The following INSRR variants were observed in gnomAD, a reference collection of about 807,000 sequenced individuals.
INSRR encodes the protein insulin receptor-related protein.
In INSRR, 114 loss-of-function variants were observed where a neutral mutation model predicts 130.0. That is an observed-to-expected ratio of 0.88 (90% confidence interval 0.75 to 1.02). INSRR has a LOEUF of 1.02. INSRR is among the 50% of genes least tolerant of loss of function. The probability of loss-of-function intolerance (pLI) is 0.00; values close to 1 mark genes in which losing one functional copy is unlikely to be tolerated. For missense variants in INSRR, 1,657 were observed against 1,735.2 expected, an observed-to-expected ratio of 0.95 and a Z score of 0.80; for synonymous variants, 674 against 705.2, an observed-to-expected ratio of 0.96 and a Z score of 0.70.
rs766326227 is a variant in INSRR, at chr1:156,844,505, A to G, written c.2694T>C (p.Asn898=). Residue 898 remains asparagine (N), a synonymous_variant, in exon 14 of 22, where the codon AAT becomes AAC. Coordinates refer to ENST00000368195, the MANE Select transcript of INSRR (RefSeq NM_014215.3). ...ARVRATSLAG[N]GSWTDSVAFY... is the part of the protein sequence containing the mutation. ...AGGCAACACTGTCTGTCCAAGAGCC[A>G]TTGCCAGCCAGTGAGGTTGCCCTAA... 4 of 1,614,140 alleles carry G rather than the reference A, an allele frequency of 2.5e-6. No individual in the cohort carries two copies. The South Asian group carries it at 3.3e-5, about 13-fold the overall frequency.
chr1:156,847,407 G>A (rs1014080274), intron 7 of INSRR, among the ~76,000 whole-genome samples: 2 of 152,228 alleles, frequency 1.3e-5, no homozygotes, highest in African/African-American at 2.4e-5. Context: ...TGGCTTTAGG[G>A]GTAGAAGAGG....
At position 156,844,562 on chromosome 1, in the gene INSRR, G is replaced by A. The variant is rs1654920087; in HGVS notation, c.2637C>T (p.Ala879=). The A allele has an allele frequency of 1.2e-6, 2 of 1,614,180 alleles. No homozygotes were observed. Among genetic ancestry groups the A allele is most frequent in the African/African-American group, 1.3e-5 (1 of 75,032 alleles). Residue 879 remains alanine, a synonymous_variant, in exon 14 of 22, where the codon GCC becomes GCT. Coordinates refer to ENST00000368195, the MANE Select transcript of INSRR (RefSeq NM_014215.3). ...RYAKFGGVHL[A]LLPPGNYSAR... Reference sequence around the variant, plus strand: ...CAGAGTAGTTTCCAGGGGGCAGCAGGGCCAGGTGGACTCCCCCAAACTTCG... The same window carrying A: ...CAGAGTAGTTTCCAGGGGGCAGCAGAGCCAGGTGGACTCCCCCAAACTTCG...
intron 7 of INSRR, 79 bp downstream of exon 7, chr1:156,848,842 G>T: frequency 2.0e-6 from 3 of 1,491,496 alleles, no homozygotes; most frequent in South Asian, 2.6e-5. Context: ...GCTGAGCTCC[G>T]CCCTCACCTG....
Position 156,851,983 on chromosome 1 carries a change from G to C in INSRR, c.846C>G (p.Ser282Arg). The C allele has an allele frequency of 1.2e-6, 2 of 1,611,012 alleles. No individual in the cohort carries two copies. Among genetic ancestry groups the C allele is most frequent in the Non-Finnish European group, 1.7e-6 (2 of 1,177,870 alleles). ...WRCVTAERCA[S>R]LHSVPGRAST... ...AGGCACGGCCGGGCACAGAGTGCAG[G>C]CTGGCACAGCGCTCAGCTGTGACAC... The change falls in exon 3 of 22, where the codon AGC (serine) becomes AGG (arginine). Residue 282 changes from serine to arginine, a missense_variant. Ser to Arg is a moderately radical substitution (Grantham distance 110). Transcript: ENST00000368195.
At chr1:156,846,781 A>G (rs1021896394) in intron 7 of INSRR, 24 bp from the exon 8 acceptor site, 9 of 1,587,896 alleles carry the variant, frequency 5.7e-6, no homozygotes, top group South Asian at 1.1e-5. Context: ...CCCAGAGCTG[A>G]GGGGTCATTC....
Position 156,846,186 on chromosome 1 carries a change from GC to G in INSRR, c.1811-68del, listed in dbSNP as rs200027061. On this transcript the variant is annotated intron_variant, in intron 8 of 21. Transcript: ENST00000368195. ...CCTCCTGAATACTATCTAGTAATGA[GC>G]CCTCCTTTCTGGGGTCCAACAGCCT... is the stretch of plus-strand genomic sequence containing the variant. The G allele has an allele frequency of 1.5e-3, 2,152 of 1,462,994 alleles. 24 individuals are homozygous for G. The African/African-American group carries it at 0.027, about 19-fold the overall frequency. 90.6% of individuals were successfully genotyped at this position (1,462,994 alleles called of 1,614,324 possible). A position where few individuals can be genotyped will look rare whatever the true frequency, so the allele number is the denominator to read the frequency against.
In INSRR at chr1:156,840,838, C is replaced by T. The variant is rs1654748302; in HGVS notation, c.*35G>A. The T allele has an allele frequency of 6.6e-7, 1 of 1,525,830 alleles. No homozygotes were observed. The highest frequency in any genetic ancestry group is 9.0e-7 in the Non-Finnish European group (1 of 1,105,642). The allele number at this position is 1,525,830 out of a possible 1,614,324, so 94.5% of individuals were successfully genotyped here. On this transcript the variant is annotated 3_prime_UTR_variant, in exon 22 of 22. Coordinates refer to ENST00000368195, the MANE Select transcript of INSRR (RefSeq NM_014215.3). ...ACAGAGGTCGGGTCCCTTCCTGTCT[C>T]CCCATGGGAGGCCAGCCAGGGAATG...
chr1:156,858,418 C>G (rs1156511739), intron 1 of INSRR, 119 bp downstream of exon 1: 7 of 780,698 alleles, frequency 9.0e-6, no homozygotes. Context: ...AGCGCTAACC[C>G]CAACCCCCAT....
At chr1:156,845,874 C>G (rs559005457) in intron 9 of INSRR, 60 bp from the exon 10 acceptor site, 16 of 1,600,298 alleles carry the variant, frequency 1.0e-5, no homozygotes, top group South Asian at 5.6e-5. Flanking sequence ...CTGATCCCCC[C>G]CACCTGCCGG....
rs148111938 is a variant in INSRR at position 156,853,854 on chromosome 1, C to T, written c.535G>A (p.Val179Met). ...GNKLGEECAD[V>M]CPGVLGAAGE... is the part of the protein sequence containing the mutation. ...GCAGCACCCAGCACACCAGGGCACA[C>T]GTCAGCACACTCCTCGCCCAGCTTG... The change falls in exon 2 of 22, where the codon GTG (valine) becomes ATG (methionine). Residue 179 changes from valine to methionine, a missense_variant. By Grantham distance (21) the Val-to-Met change is conservative. Coordinates refer to ENST00000368195, the MANE Select transcript of INSRR (RefSeq NM_014215.3). 5.0e-5 allele frequency: 81 copies of T among 1,613,918 alleles called. No individual in the cohort carries two copies. The highest frequency in any genetic ancestry group is 9.3e-5 in the African/African-American group (7 of 74,936).
chr1:156,844,156 C>T lies in INSRR; in HGVS notation c.2843+19G>A, dbSNP rs374540478. The T allele has an allele frequency of 5.2e-5, 82 of 1,574,382 alleles. No homozygotes were observed. The highest frequency in any genetic ancestry group is 1.7e-4 in the Middle Eastern group (1 of 6,010). Reference sequence around the variant, plus strand: ...CTCAGGGAGAAAAGGGGGTGGGGACCGGTGGGACTTATCATCACCTCTTCT... The same window carrying T: ...CTCAGGGAGAAAAGGGGGTGGGGACTGGTGGGACTTATCATCACCTCTTCT... On this transcript the variant is annotated intron_variant, in intron 15 of 21. Coordinates refer to ENST00000368195, the MANE Select transcript of INSRR (RefSeq NM_014215.3).
chr1:156,841,200 G>T, intron 21 of INSRR, 96 bp from the exon 22 acceptor site: 1 of 1,076,958 alleles, frequency 9.3e-7, no homozygotes, highest in Non-Finnish European at 1.4e-6. Context: ...AGTGGGGATC[G>T]TGGGCCATTA....
rs1377320729 is a variant in INSRR, at chr1:156,844,625, C to T, written c.2575-1G>A. 5.0e-6 allele frequency: 8 copies of T among 1,613,988 alleles called. No homozygotes were observed. The highest frequency in any genetic ancestry group is 6.8e-6 in the Non-Finnish European group (8 of 1,179,990). ...GGGACACACACAGCACTGTGGCCTC[C>T]TGAGAGTAACGCAGAACAGCTGGCT... is the stretch of plus-strand genomic sequence containing the variant. On this transcript the variant is annotated splice_acceptor_variant, in intron 13 of 21. Coordinates refer to ENST00000368195, the MANE Select transcript of INSRR (RefSeq NM_014215.3). LOFTEE classifies it high-confidence loss of function.
In INSRR at chr1:156,852,106, T is replaced by G. The variant is rs372248144; in HGVS notation, c.723A>C (p.Glu241Asp). Residue 241 changes from glutamate (E) to aspartate (D), a missense_variant, in exon 3 of 22, where the codon GAA (glutamate) becomes GAC (aspartate). Glu to Asp is a conservative substitution (Grantham distance 45). Coordinates refer to ENST00000368195, the MANE Select transcript of INSRR (RefSeq NM_014215.3). ...TECLGGCSQP[E>D]DPRACVACRH... The stretch of plus-strand genomic sequence containing the variant: ...GGCAAGCTACACAGGCACGAGGGTC[T>G]TCTGGCTGGCTGCAGCCCCCCAGGC... 13 of 1,613,576 alleles carry G rather than the reference T, an allele frequency of 8.1e-6. No homozygotes were observed. The highest frequency in any genetic ancestry group is 1.3e-5 in the African/African-American group (1 of 74,934).
rs552398222 is a variant in INSRR at position 156,846,534 on chromosome 1, G to A, written c.1795C>T (p.Arg599Ter). The A allele has an allele frequency of 9.9e-6, 16 of 1,613,920 alleles. No individual in the cohort carries two copies. In the African/African-American group the frequency reaches 1.2e-4, roughly 12 times the overall value. Residue 599 changes from arginine to a stop codon, truncating the protein, a stop_gained, in exon 8 of 22, where the codon CGA becomes TGA. Coordinates refer to ENST00000368195, the MANE Select transcript of INSRR (RefSeq NM_014215.3). LOFTEE classifies it high-confidence loss of function. ...QGAQSPIVYL[R>*]TLPAAPTVPQ... Reference sequence around the variant, plus strand: ...AAATGCCTACCTGCAGGCAGCGTTCGGAGGTAGACGATGGGACTCTGGGCT... The same window carrying A: ...AAATGCCTACCTGCAGGCAGCGTTCAGAGGTAGACGATGGGACTCTGGGCT...
Position 156,852,008 on chromosome 1 carries a change from C to T in INSRR, c.821G>A (p.Cys274Tyr), listed in dbSNP as rs773806714. 2 of 1,613,008 alleles carry T rather than the reference C, an allele frequency of 1.2e-6. No individual in the cohort carries two copies. The highest frequency in any genetic ancestry group is 2.2e-5 in the East Asian group (1 of 44,848). The change falls in exon 3 of 22, where the codon TGT becomes TAT. Residue 274 changes from cysteine to tyrosine, a missense_variant. Coordinates refer to ENST00000368195, the MANE Select transcript of INSRR (RefSeq NM_014215.3). ...GCTGGCACAGCGCTCAGCTGTGACACAGCGCCAGGACTCATACTGGTAGGT... is the reference window on the plus strand; with the variant it reads ...GCTGGCACAGCGCTCAGCTGTGACATAGCGCCAGGACTCATACTGGTAGGT... ...PGTYQYESWR[C>Y]VTAERCASLH...
chr1:156,845,201 C>A lies in INSRR; in HGVS notation c.2312G>T (p.Arg771Leu), dbSNP rs1037697690. The change falls in exon 12 of 22, where the codon CGA (arginine) becomes CTA (leucine). Residue 771 changes from arginine to leucine, a missense_variant. Arg to Leu is a moderately radical substitution (Grantham distance 102, BLOSUM62 -2). Transcript: ENST00000368195. ...EIQEDKVPRE[R>L]AVLSGLRHFT... is the part of the protein sequence containing the mutation. ...GTGGCGCAGGCCGCTCAGCACCGCT[C>A]GCTCACGGGGCACCTTGTCCTCCTG... The A allele has an allele frequency of 6.2e-7, 1 of 1,609,418 alleles. No individual in the cohort carries two copies. The highest frequency in any genetic ancestry group is 1.3e-5 in the African/African-American group (1 of 75,006).
chr1:156,840,749 G>C lies in INSRR; in HGVS notation c.*124C>G. The C allele has an allele frequency of 2.7e-6, 2 of 745,540 alleles. No homozygotes were observed. Among genetic ancestry groups the C allele is most frequent in the Non-Finnish European group, 4.6e-6 (2 of 435,522 alleles). 46.2% of individuals were successfully genotyped at this position (745,540 alleles called of 1,614,324 possible). ...ACAGCCTTCCCTGCTCCTGTTCTCT[G>C]CCCCACCCTCGGCCATCCCTTGCCC... On this transcript the variant is annotated 3_prime_UTR_variant, in exon 22 of 22. Transcript: ENST00000368195.
Position 156,845,247 on chromosome 1 carries a change from T to A in INSRR, c.2266A>T (p.Asn756Tyr). The change falls in exon 12 of 22, where the codon AAC becomes TAC. Residue 756 changes from asparagine to tyrosine, a missense_variant. Coordinates refer to ENST00000368195, the MANE Select transcript of INSRR (RefSeq NM_014215.3). ...TCCTGGATCTCGAAATCCGAGCTGT[T>A]GCCCCCCAGCCGGAGGGGCCCAGCT... ...RAAGPLRLGG[N>Y]SSDFEIQEDK... The A allele has an allele frequency of 6.2e-7, 1 of 1,611,234 alleles. No homozygotes were observed. Among genetic ancestry groups the A allele is most frequent in the East Asian group, 2.2e-5 (1 of 44,790 alleles).
Sources: allele counts gnomAD v4.1 joint callset (sites outside exome capture counted in the v4.1 genomes callset), GRCh38; gene constraint gnomAD v4.1.1; transcripts MANE v1.5; gene names NCBI Gene and HGNC (gene_info 2026-07-23, HGNC 2026-07-21).